SH3RF3: variants seen among roughly 807,000 people sequenced by gnomAD.
SH3RF3 encodes E3 ubiquitin-protein ligase SH3RF3.
Under a neutral mutation model 66.3 loss-of-function variants are expected in SH3RF3, and 29 were observed. The observed-to-expected ratio is 0.44, with a 90% CI of 0.33 to 0.60. SH3RF3 has a LOEUF of 0.60. SH3RF3 is among the 20% of genes least tolerant of loss of function. SH3RF3 has a pLI of 0.04. For missense variants in SH3RF3, 1,194 were observed against 1,190.9 expected, an observed-to-expected ratio of 1.00 and a Z score of -0.04; for synonymous variants, 583 against 532.0, an observed-to-expected ratio of 1.10 and a Z score of -1.32.
chr2:109,324,887 G>A (rs1682111966), intron 1 of SH3RF3, among the ~76,000 whole-genome samples: 1 of 152,218 alleles, frequency 6.6e-6, no homozygotes, highest in South Asian at 2.1e-4. Flanking sequence ...CTCCTGGAAG[G>A]AACGGTGGAG....
chr2:109,472,365 G>C (rs1251662670), intron 8 of SH3RF3, among the ~76,000 whole-genome samples: 1 of 151,996 alleles, frequency 6.6e-6, no homozygotes, highest in African/African-American at 2.4e-5. Context: ...TGTGCATGCA[G>C]GGTGTCCTGG....
intron 1 of SH3RF3, among the ~76,000 whole-genome samples, chr2:109,205,613 C>T (rs1017730778): frequency 6.6e-6 from 1 of 152,162 alleles, no homozygotes; most frequent in Non-Finnish European, 1.5e-5. Flanking sequence ...GTATATTCAT[C>T]AGATGGGAGA....
At chr2:109,309,492 C>T (rs1681677308) in intron 1 of SH3RF3, among the ~76,000 whole-genome samples, 1 of 129,094 alleles carries the variant, frequency 7.7e-6, no homozygotes, top group African/African-American at 3.8e-5. Context: ...ATCAAATTCA[C>T]ACATAACAAT....
intron 8 of SH3RF3, among the ~76,000 whole-genome samples, chr2:109,486,578 T>G (rs369203479): frequency 6.6e-6 from 1 of 152,194 alleles, no homozygotes; most frequent in East Asian, 1.9e-4. Context: ...AGCGCTCCTA[T>G]AGCTGTCATC....
At chr2:109,235,455 G>A (rs1250767357) in intron 1 of SH3RF3, among the ~76,000 whole-genome samples, 1 of 152,188 alleles carries the variant, frequency 6.6e-6, no homozygotes, top group Non-Finnish European at 1.5e-5. Context: ...ACTTTTGAGA[G>A]CAAGGGGCCC....
intron 1 of SH3RF3, among the ~76,000 whole-genome samples, chr2:109,291,337 T>C: frequency 6.6e-6 from 1 of 151,712 alleles, no homozygotes. Context: ...TTCAGTGTTC[T>C]ACATGCAGCT....
At chr2:109,136,128 C>T (rs757821531) in intron 1 of SH3RF3, among the ~76,000 whole-genome samples, 10 of 152,074 alleles carry the variant, frequency 6.6e-5, no homozygotes, top group Non-Finnish European at 8.8e-5. Context: ...ATGACAGATT[C>T]GGGGCTCAGT....
At position 109,431,173 on chromosome 2, in the gene SH3RF3, G is replaced by A. The variant is rs148930945; in HGVS notation, c.1404-1328G>A. 4.1e-4 allele frequency among the ~76,000 whole-genome samples: 62 copies of A among 152,274 alleles called. 1 individual carries two copies. In the East Asian group the frequency reaches 0.011, roughly 27 times the overall value. On this transcript the variant is annotated intron_variant, in intron 5 of 9. Coordinates refer to ENST00000309415, the MANE Select transcript of SH3RF3 (RefSeq NM_001099289.3). Reference sequence around the variant, plus strand: ...CCAGCATCAGGAGGGTGCAATGGTGGGGTCTATGAGCTTCCCTCATATCCC... The same window carrying A: ...CCAGCATCAGGAGGGTGCAATGGTGAGGTCTATGAGCTTCCCTCATATCCC...
At chr2:109,164,506 A>G (rs771456063) in intron 1 of SH3RF3, among the ~76,000 whole-genome samples, 1 of 152,146 alleles carries the variant, frequency 6.6e-6, no homozygotes, top group Non-Finnish European at 1.5e-5. Flanking sequence ...ATTTTTCTGT[A>G]GACTCTTCGG....
chr2:109,488,083 A>G (rs549027493), intron 8 of SH3RF3, among the ~76,000 whole-genome samples: 2 of 152,266 alleles, frequency 1.3e-5, no homozygotes, highest in South Asian at 4.1e-4. Context: ...GGAGGGGAGG[A>G]GCGGCCAGCA....
intron 1 of SH3RF3, among the ~76,000 whole-genome samples, chr2:109,184,390 C>G (rs963402097): frequency 6.6e-6 from 1 of 152,218 alleles, no homozygotes; most frequent in Non-Finnish European, 1.5e-5. Flanking sequence ...AGAAAGGCAG[C>G]TTTTCAGGTG....
chr2:109,405,058 C>A (rs1031149144), intron 4 of SH3RF3, among the ~76,000 whole-genome samples: 1 of 148,504 alleles, frequency 6.7e-6, no homozygotes, highest in African/African-American at 2.5e-5. Context: ...TACACAAATA[C>A]CCCCCACCTT....
chr2:109,227,468 G>C (rs1043489622), intron 1 of SH3RF3, among the ~76,000 whole-genome samples: 2 of 152,210 alleles, frequency 1.3e-5, no homozygotes, highest in Admixed American at 1.3e-4. Flanking sequence ...GGAGTTATGA[G>C]GATGGTGACA....
chr2:109,454,895 G>A (rs1033211492), intron 8 of SH3RF3, among the ~76,000 whole-genome samples: 2 of 151,760 alleles, frequency 1.3e-5, no homozygotes, highest in Admixed American at 6.6e-5. Context: ...TCACTCTCAC[G>A]ACTTATGGGA....
At chr2:109,184,420 A>G (rs1374932858) in intron 1 of SH3RF3, among the ~76,000 whole-genome samples, 5 of 152,154 alleles carry the variant, frequency 3.3e-5, no homozygotes, top group Non-Finnish European at 7.4e-5. Context: ...GATATGTCAG[A>G]TGTGGTCTTT....
In SH3RF3 at chr2:109,459,507, C is replaced by T. The variant is rs114609880; in HGVS notation, c.2148+10018C>T. On this transcript the variant is annotated intron_variant, in intron 8 of 9. Coordinates refer to ENST00000309415, the MANE Select transcript of SH3RF3 (RefSeq NM_001099289.3). The stretch of plus-strand genomic sequence containing the variant: ...TATAGTTTTCCATTGACCTCAGTCA[C>T]GGGGCATTGTGATTGAGAGCGTGCT... Among the ~76,000 whole-genome samples the T allele has an allele frequency of 3.2e-3, 487 of 152,228 alleles. 3 individuals are homozygous for T. Among genetic ancestry groups the T allele is most frequent in the African/African-American group, 0.011 (469 of 41,546 alleles).
At chr2:109,172,086 G>A (rs1212210446) in intron 1 of SH3RF3, among the ~76,000 whole-genome samples, 1 of 152,242 alleles carries the variant, frequency 6.6e-6, no homozygotes, top group Non-Finnish European at 1.5e-5. Context: ...AACTTGATAT[G>A]CACGTCATTT....
intron 1 of SH3RF3, among the ~76,000 whole-genome samples, chr2:109,312,462 A>G (rs1681752972): frequency 6.6e-6 from 1 of 152,198 alleles, no homozygotes; most frequent in Admixed American, 6.5e-5. Flanking sequence ...GTCTAGTTCC[A>G]GAAGTTTCCT....
chr2:109,149,259 A>G (rs541196413), intron 1 of SH3RF3, among the ~76,000 whole-genome samples: 11 of 152,280 alleles, frequency 7.2e-5, no homozygotes, highest in African/African-American at 1.2e-4. Context: ...AGAATGTTCT[A>G]TGGCCCCCCG....
Sources: gnomAD v4.1 joint callset for allele counts (sites outside exome capture counted in the v4.1 genomes callset) on GRCh38, gnomAD v4.1.1 for gene constraint, MANE v1.5 for transcripts, NCBI Gene and HGNC (gene_info 2026-07-23, HGNC 2026-07-21) for gene names.